JRK: variants seen among roughly 807,000 people sequenced by gnomAD.
JRK encodes the protein jerky protein homolog.
For missense variants in JRK, 720 were observed against 509.2 expected, an observed-to-expected ratio of 1.41 and a Z score of -3.98; for synonymous variants, 303 against 218.1, an observed-to-expected ratio of 1.39 and a Z score of -3.43.
At chr8:142,651,229 T>C in the JRK span, among the ~76,000 whole-genome samples, 1 of 152,140 alleles carries the variant, frequency 6.6e-6, no homozygotes, top group African/African-American at 2.4e-5. Context: ...ACATTTTGGA[T>C]GTTAACTTTA....
chr8:142,645,150 T>TG, the JRK span, among the ~76,000 whole-genome samples: 1 of 152,218 alleles, frequency 6.6e-6, no homozygotes. Flanking sequence ...GATCTGAAGA[T>TG]GGAGATTTAG....
the JRK span, among the ~76,000 whole-genome samples, chr8:142,648,354 A>T: frequency 3.9e-5 from 6 of 152,320 alleles, no homozygotes; most frequent in East Asian, 1.2e-3. Flanking sequence ...AGCCCCTCCC[A>T]TCACATGCCC....
At position 142,658,572 on chromosome 8, in the gene JRK, GTTCC is replaced by G. The variant is rs1485010940; in HGVS notation, c.*5776_*5779del. On this transcript the variant is annotated 3_prime_UTR_variant, in exon 2 of 2. Transcript: ENST00000612905. ...CACAGCACAAAGTGACCTCGCTCTAGTTCCTTCCTTTTCTTATAAGGACTCGATC... is the reference window on the plus strand; with the variant it reads ...CACAGCACAAAGTGACCTCGCTCTAGTTCCTTTTCTTATAAGGACTCGATC... 4 of 287,646 alleles carry G rather than the reference GTTCC, an allele frequency of 1.4e-5. No homozygotes were observed. Among genetic ancestry groups the G allele is most frequent in the East Asian group, 7.7e-5 (1 of 12,930 alleles). 17.8% of individuals were successfully genotyped at this position (287,646 alleles called of 1,614,324 possible).
the JRK span, among the ~76,000 whole-genome samples, chr8:142,650,941 A>C: frequency 6.6e-6 from 1 of 152,228 alleles, no homozygotes; most frequent in Non-Finnish European, 1.5e-5. Context: ...AAGGAAAAAC[A>C]GAGGTTTCTC....
chr8:142,663,144 C>A lies in JRK; in HGVS notation c.*1208G>T. 2.0e-6 allele frequency: 2 copies of A among 984,466 alleles called. No individual in the cohort carries two copies. The highest frequency in any genetic ancestry group is 2.4e-6 in the Non-Finnish European group (2 of 829,066). 61.0% of individuals were successfully genotyped at this position (984,466 alleles called of 1,614,324 possible). A position where few individuals can be genotyped will look rare whatever the true frequency, so the allele number is the denominator to read the frequency against. On this transcript the variant is annotated 3_prime_UTR_variant, in exon 2 of 2. Transcript: ENST00000612905. ...CTCCAGCCTGGTCAACAGAGTGAGA[C>A]CCTGCCTCAAGAAAAGAAAAGGACA...
chr8:142,658,523 G>T lies in JRK; in HGVS notation c.*5829C>A. The T allele has an allele frequency of 4.7e-6, 1 of 212,962 alleles. No individual in the cohort carries two copies. Among genetic ancestry groups the T allele is most frequent in the Non-Finnish European group, 9.5e-6 (1 of 105,080 alleles). 13.2% of individuals were successfully genotyped at this position (212,962 alleles called of 1,614,324 possible). ...CGTGAGCCACTGCACCCAGCTTGAAGATGGCAGTTTTCTTGTATGCTCACA... is the reference window on the plus strand; with the variant it reads ...CGTGAGCCACTGCACCCAGCTTGAATATGGCAGTTTTCTTGTATGCTCACA... On this transcript the variant is annotated 3_prime_UTR_variant, in exon 2 of 2. Coordinates refer to ENST00000612905, the MANE Select transcript of JRK (RefSeq NM_003724.4).
rs1846809174 is a variant in JRK, at chr8:142,658,435, G to T, written c.*5917C>A. The T allele has an allele frequency of 6.5e-6, 1 of 153,630 alleles. No individual in the cohort carries two copies. The highest frequency in any genetic ancestry group is 1.4e-5 in the Non-Finnish European group (1 of 69,736). The allele number at this position is 153,630 out of a possible 1,614,324, so 9.5% of individuals were successfully genotyped here. ...AATAAGGTCTTATCATGCCTAGGCT[G>T]GTCTCGAACTCCTGGACTCATGCAA... On this transcript the variant is annotated 3_prime_UTR_variant, in exon 2 of 2. Transcript: ENST00000612905.
chr8:142,659,722 T>A lies in JRK; in HGVS notation c.*4630A>T. 1 of 985,428 alleles carries A rather than the reference T, an allele frequency of 1.0e-6. No individual in the cohort carries two copies. Among genetic ancestry groups the A allele is most frequent in the Non-Finnish European group, 1.2e-6 (1 of 829,940 alleles). 61.0% of individuals were successfully genotyped at this position (985,428 alleles called of 1,614,324 possible). ...GGAGTGTTTTCACCTCTGTTTACAG[T>A]TGAGTGCACTGCTCAAGGTCATGCA... On this transcript the variant is annotated 3_prime_UTR_variant, in exon 2 of 2. Coordinates refer to ENST00000612905, the MANE Select transcript of JRK (RefSeq NM_003724.4).
downstream of JRK, among the ~76,000 whole-genome samples, chr8:142,655,387 T>C (rs969906519): frequency 6.6e-6 from 1 of 152,160 alleles, no homozygotes; most frequent in Non-Finnish European, 1.5e-5. Context: ...AAAGGGGTGT[T>C]ATTAGCAATT....
chr8:142,649,928 G>T, the JRK span, among the ~76,000 whole-genome samples: 3 of 152,342 alleles, frequency 2.0e-5, no homozygotes, highest in South Asian at 6.2e-4. Context: ...CGTGTGCCTG[G>T]AAAAGACACA....
chr8:142,665,051 C>G lies in JRK; in HGVS notation c.1008G>C (p.Arg336=), dbSNP rs1410705662. The G allele has an allele frequency of 4.2e-6, 3 of 716,530 alleles. No homozygotes were observed. Among genetic ancestry groups the G allele is most frequent in the African/African-American group, 1.7e-5 (1 of 57,228 alleles). The allele number at this position is 716,530 out of a possible 1,614,324, so 44.4% of individuals were successfully genotyped here. The change falls in exon 2 of 2, where the codon CGG becomes CGC. Residue 336 remains arginine (R), a synonymous_variant. Coordinates refer to ENST00000612905, the MANE Select transcript of JRK (RefSeq NM_003724.4). The part of the protein sequence containing the change: ...SLVQPMEQGI[R]RDFMRNFINP... ...TAATGAAGTTCCTCATGAAATCTCT[C>G]CGAATGCCCTGCTCCATGGGCTGCA...
Position 142,662,564 on chromosome 8 carries a change from A to G in JRK, c.*1788T>C. On this transcript the variant is annotated 3_prime_UTR_variant, in exon 2 of 2. Coordinates refer to ENST00000612905, the MANE Select transcript of JRK (RefSeq NM_003724.4). ...ATGGGAACTGGGACTGTCGTTCAGC[A>G]CCGAGATCTTTAAAAACTATTTGGC... 1 of 985,500 alleles carries G rather than the reference A, an allele frequency of 1.0e-6. No homozygotes were observed. The highest frequency in any genetic ancestry group is 1.2e-6 in the Non-Finnish European group (1 of 829,952). The allele number at this position is 985,500 out of a possible 1,614,324, so 61.0% of individuals were successfully genotyped here.
rs373175506 is a variant in JRK at position 142,664,959 on chromosome 8, G to A, written c.1100C>T (p.Ala367Val). ...GCTAGGGACTGCGTTCCAGGCACAG[G>A]CCACGCTGAATATGGCATCGTTCAT... The part of the protein sequence containing the change: ...YNMNDAIFSV[A>V]CAWNAVPSHV... Residue 367 changes from alanine (A) to valine (V), a missense_variant, in exon 2 of 2, where the codon GCC becomes GTC. Transcript: ENST00000612905. 1.3e-6 allele frequency: 1 copy of A among 765,926 alleles called. No homozygotes were observed. The highest frequency in any genetic ancestry group is 2.4e-6 in the Non-Finnish European group (1 of 421,012). The allele number at this position is 765,926 out of a possible 1,614,324, so 47.4% of individuals were successfully genotyped here. A position where few individuals can be genotyped will look rare whatever the true frequency, so the allele number is the denominator to read the frequency against.
At chr8:142,649,579 A>T in the JRK span, among the ~76,000 whole-genome samples, 128 of 152,282 alleles carry the variant, frequency 8.4e-4, 1 homozygote, top group East Asian at 0.016. Flanking sequence ...AACTCCATTA[A>T]ACCTCTTTAT....
chr8:142,651,649 C>T, the JRK span, among the ~76,000 whole-genome samples: 1 of 151,448 alleles, frequency 6.6e-6, no homozygotes, highest in Non-Finnish European at 1.5e-5. Flanking sequence ...TTGGTCAAAC[C>T]CAATGGGAAA....
chr8:142,660,992 C>T lies in JRK; in HGVS notation c.*3360G>A. 3.0e-6 allele frequency: 3 copies of T among 985,472 alleles called. No homozygotes were observed. The South Asian group carries it at 1.4e-4, about 46-fold the overall frequency. 61.0% of individuals were successfully genotyped at this position (985,472 alleles called of 1,614,324 possible). On this transcript the variant is annotated 3_prime_UTR_variant, in exon 2 of 2. Transcript: ENST00000612905. ...GGCAGGGGCTGCGACTTCCTTTCTT[C>T]CAATCAACTCCACCACTAGCAATCA...
rs1554635305 is a variant in JRK at position 142,664,740 on chromosome 8, C to A, written c.1319G>T (p.Trp440Leu). 12 of 1,597,690 alleles carry A rather than the reference C, an allele frequency of 7.5e-6. No homozygotes were observed. The highest frequency in any genetic ancestry group is 9.4e-6 in the Non-Finnish European group (11 of 1,172,876). Reference protein sequence around the residue: ...GQLRQRQAASWGVAGREAEGG... With the variant: ...GQLRQRQAASLGVAGREAEGG... ...TTCTGCCTCCCTTCCCGCTACCCCC[C>A]AGCTGGCGGCCTGGCGCTGGCGAAG... is the stretch of plus-strand genomic sequence containing the variant. Residue 440 changes from tryptophan to leucine, a missense_variant, in exon 2 of 2, where the codon TGG becomes TTG. Physicochemically the swap from Trp to Leu is moderately conservative, Grantham distance 61 (BLOSUM62 -2). Transcript: ENST00000612905.
At chr8:142,655,246 G>A (rs4266629), downstream of JRK, among the ~76,000 whole-genome samples, 83,129 of 152,066 alleles carry the variant, frequency 0.55, 24,092 homozygotes, top group Admixed American at 0.66. Flanking sequence ...GTCCTCTAGT[G>A]GTGACCTTGC....
chr8:142,664,382 C>A lies in JRK; in HGVS notation c.1677G>T (p.Leu559Phe). ...TGTCACCTGCTGTGGATGAGCAGGG[C>A]AAGGGAGACTGAGCTGTGGCCCCAC... ...GGCGATAQSP[L>F]PCSSTAGDN The change falls in exon 2 of 2, where the codon TTG (leucine) becomes TTT (phenylalanine). Residue 559 changes from leucine to phenylalanine, a missense_variant. Coordinates refer to ENST00000612905, the MANE Select transcript of JRK (RefSeq NM_003724.4). 1.3e-6 allele frequency: 2 copies of A among 1,584,760 alleles called. No individual in the cohort carries two copies. The highest frequency in any genetic ancestry group is 1.2e-5 in the South Asian group (1 of 86,656).
Sources: gnomAD v4.1 joint callset for allele counts (sites outside exome capture counted in the v4.1 genomes callset) on GRCh38, gnomAD v4.1.1 for gene constraint, MANE v1.5 for transcripts, NCBI Gene and HGNC (gene_info 2026-07-23, HGNC 2026-07-21) for gene names.